LOC122539214: variants seen among roughly 807,000 people sequenced by gnomAD.
At chr19:52,658,984 G>GCTGCAGTGACAAACCT in the LOC122539214 span, among the ~76,000 whole-genome samples, 80 of 152,272 alleles carry the variant, frequency 5.3e-4, no homozygotes, top group African/African-American at 1.9e-3. Flanking sequence ...CTCAGGGCCG[G>GCTGCAGTGACAAACCT]CTCTTGGTGT....
chr19:52,686,993 C>T, the LOC122539214 span, among the ~76,000 whole-genome samples: 1 of 151,804 alleles, frequency 6.6e-6, no homozygotes, highest in African/African-American at 2.4e-5. Context: ...ACCAGCCTCT[C>T]TAACATGGAG....
the LOC122539214 span, among the ~76,000 whole-genome samples, chr19:52,664,120 G>A: frequency 6.6e-6 from 1 of 151,924 alleles, no homozygotes; most frequent in Non-Finnish European, 1.5e-5. Flanking sequence ...CTGAAATTAG[G>A]TGATCCACCA....
chr19:52,683,059 T>A, the LOC122539214 span, among the ~76,000 whole-genome samples: 1 of 112,638 alleles, frequency 8.9e-6, no homozygotes, highest in African/African-American at 4.5e-5. Context: ...TTAGTAGAGA[T>A]GAGGTTTCAC....
the LOC122539214 span, chr19:52,660,862 T>A: frequency 3.3e-5 from 5 of 153,536 alleles, no homozygotes; most frequent in Non-Finnish European, 5.8e-5. Flanking sequence ...GAAAAAAATA[T>A]GATATTTAAT....
At chr19:52,687,053 T>C in the LOC122539214 span, among the ~76,000 whole-genome samples, 93,638 of 151,040 alleles carry the variant, frequency 0.62, 29,230 homozygotes, top group African/African-American at 0.69. Flanking sequence ...TGGTGGCGCA[T>C]GCCTGTAATC....
the LOC122539214 span, among the ~76,000 whole-genome samples, chr19:52,687,516 TAAA>T: frequency 1.4e-5 from 1 of 69,158 alleles, no homozygotes; most frequent in African/African-American, 6.2e-5. Flanking sequence ...AAATTATATA[TAAA>T]TTTTATATAT....
the LOC122539214 span, among the ~76,000 whole-genome samples, chr19:52,689,220 T>A: frequency 6.6e-6 from 1 of 152,200 alleles, no homozygotes; most frequent in Non-Finnish European, 1.5e-5. Context: ...GTGCTCAGCT[T>A]TTTGGATATG....
the LOC122539214 span, among the ~76,000 whole-genome samples, chr19:52,661,178 G>C: frequency 6.6e-6 from 1 of 152,024 alleles, no homozygotes; most frequent in Admixed American, 6.6e-5. Flanking sequence ...TTAATGTTTA[G>C]AAACCACACA....
chr19:52,668,202 G>C, the LOC122539214 span, among the ~76,000 whole-genome samples: 1 of 152,128 alleles, frequency 6.6e-6, no homozygotes, highest in Non-Finnish European at 1.5e-5. Flanking sequence ...GGAAAGAATG[G>C]AAACTCGAGC....
the LOC122539214 span, chr19:52,652,941 C>T: frequency 8.3e-7 from 1 of 1,210,982 alleles, no homozygotes; most frequent in Non-Finnish European, 1.2e-6. Flanking sequence ...CAAAGGATGA[C>T]ATATGACTGA....
chr19:52,687,636 TATATA>T, the LOC122539214 span, among the ~76,000 whole-genome samples: 1 of 15,978 alleles, frequency 6.3e-5, no homozygotes, highest in African/African-American at 4.5e-4. Flanking sequence ...ATATAATGTA[TATATA>T]TATATATATA....
the LOC122539214 span, among the ~76,000 whole-genome samples, chr19:52,677,549 TTTTACGTCTCTTAAA>T: frequency 1.3e-5 from 2 of 151,512 alleles, no homozygotes; most frequent in Non-Finnish European, 2.9e-5. Context: ...GTAAAAGCAG[TTTTACGTCTCTTAAA>T]TTAAATGGCC....
the LOC122539214 span, among the ~76,000 whole-genome samples, chr19:52,659,472 C>T: frequency 1.3e-5 from 2 of 152,100 alleles, no homozygotes; most frequent in Admixed American, 1.3e-4. Context: ...GTCGGAAACA[C>T]AGCAGAACTA....
chr19:52,687,586 A>AAAT, the LOC122539214 span, among the ~76,000 whole-genome samples: 1 of 39,300 alleles, frequency 2.5e-5, no homozygotes, highest in Non-Finnish European at 4.0e-5. Context: ...TTTTATATAT[A>AAAT]TATATATATA....
At chr19:52,675,793 A>G in the LOC122539214 span, among the ~76,000 whole-genome samples, 1 of 152,228 alleles carries the variant, frequency 6.6e-6, no homozygotes, top group African/African-American at 2.4e-5. Context: ...CCACTAGGAT[A>G]GACCAAATCT....
chr19:52,659,576 G>C, the LOC122539214 span, among the ~76,000 whole-genome samples: 2 of 141,530 alleles, frequency 1.4e-5, no homozygotes, highest in Non-Finnish European at 3.0e-5. Flanking sequence ...ATGCTCTCTT[G>C]TGAGGAGCAA....
At chr19:52,658,518 T>TTGCA in the LOC122539214 span, among the ~76,000 whole-genome samples, 1 of 152,076 alleles carries the variant, frequency 6.6e-6, no homozygotes, top group South Asian at 2.1e-4. Flanking sequence ...TAAGCCGAGA[T>TTGCA]TGCACCACTG....
At chr19:52,654,330 C>A in the LOC122539214 span, 1 of 1,419,840 alleles carries the variant, frequency 7.0e-7, no homozygotes, top group South Asian at 1.2e-5. Flanking sequence ...TTTGCAATGT[C>A]CCTGTGTGGA....
the LOC122539214 span, chr19:52,651,798 A>G: frequency 0.13 from 20,488 of 154,154 alleles, 1,617 homozygotes; most frequent in East Asian, 0.24. Context: ...CAAACTGCTG[A>G]CCTCAAGTGA....
Sources: allele counts gnomAD v4.1 joint callset (sites outside exome capture counted in the v4.1 genomes callset), GRCh38; gene constraint gnomAD v4.1.1; transcripts MANE v1.5.